Variants in BRD2 observed in about 807,000 individuals in gnomAD.
BRD2 encodes bromodomain containing 2.
A neutral mutation model predicts 79.1 loss-of-function variants in BRD2; 15 were observed. That is an observed-to-expected ratio of 0.19 (90% CI 0.13 to 0.29). The LOEUF (loss-of-function observed/expected upper bound fraction) is 0.29, where lower values mean the gene tolerates loss of function less well. Among genes scored for constraint, BRD2 ranks in the 10% least tolerant of loss-of-function variants. BRD2 has a pLI of 1.00. For synonymous variants in BRD2, 488 were observed against 358.6 expected (o/e 1.36, Z -4.08); for missense variants, 1,053 against 991.3 (o/e 1.06, Z -0.84).
chr6:32,977,489 T>G lies in BRD2; in HGVS notation c.1248T>G (p.Ala416=). ...RDYRDAQEFA[A]DVRLMFSNCY... ...ACCGGGATGCACAGGAGTTTGCTGC[T>G]GATGTACGGCTTATGTTCTCCAACT... Residue 416 remains alanine (A), a synonymous_variant, in exon 8 of 13, where the codon GCT becomes GCG. Transcript: ENST00000374825. 6.2e-7 allele frequency: 1 copy of G among 1,614,064 alleles called. No individual in the cohort carries two copies.
In BRD2 at chr6:32,976,618, G is replaced by A; in HGVS notation, c.882G>A (p.Leu294=). Residue 294 remains leucine (L), a synonymous_variant, in exon 7 of 13, where the codon TTG becomes TTA. Coordinates refer to ENST00000374825, the MANE Select transcript of BRD2 (RefSeq NM_005104.4). ...CCACCCCTACACCTACAGCCATCTT[G>A]GCTCCTGGTTCTCCAGCTAGCCCTC... is the stretch of plus-strand genomic sequence containing the variant. ...DTTTPTPTAI[L]APGSPASPPG... 6.2e-7 allele frequency: 1 copy of A among 1,611,032 alleles called. No individual in the cohort carries two copies. The highest frequency in any genetic ancestry group is 8.5e-7 in the Non-Finnish European group (1 of 1,179,626).
chr6:32,972,060 G>T lies in BRD2; in HGVS notation c.-839G>T, dbSNP rs1778057752. On this transcript the variant is annotated 5_prime_UTR_variant, in exon 2 of 13. Coordinates refer to ENST00000374825, the MANE Select transcript of BRD2 (RefSeq NM_005104.4). The stretch of plus-strand genomic sequence containing the variant: ...CGCGGAGAGGTGTTCCTTCCCCTTC[G>T]ACTCAGCTTCTTCACCCGCGTGAGC... 1.4e-6 allele frequency: 1 copy of T among 699,650 alleles called. No homozygotes were observed. Among genetic ancestry groups the T allele is most frequent in the Non-Finnish European group, 2.6e-6 (1 of 383,808 alleles). 43.3% of individuals were successfully genotyped at this position (699,650 alleles called of 1,614,324 possible).
chr6:32,976,661 A>G lies in BRD2; in HGVS notation c.925A>G (p.Lys309Glu). 6.2e-7 allele frequency: 1 copy of G among 1,612,938 alleles called. No individual in the cohort carries two copies. Among genetic ancestry groups the G allele is most frequent in the Non-Finnish European group, 8.5e-7 (1 of 1,180,022 alleles). Reference protein sequence around the residue: ...PASPPGSLEPKAARLPPMRRE... With the variant: ...PASPPGSLEPEAARLPPMRRE... ...TAGCCCTCCTGGGAGTCTTGAGCCTAAGGCAGCACGGCTTCCCCCTATGCG... is the reference window on the plus strand; with the variant it reads ...TAGCCCTCCTGGGAGTCTTGAGCCTGAGGCAGCACGGCTTCCCCCTATGCG... Residue 309 changes from lysine (K) to glutamate (E), a missense_variant, in exon 7 of 13, where the codon AAG (lysine) becomes GAG (glutamate). Physicochemically the swap from Lys to Glu is moderately conservative, Grantham distance 56. Transcript: ENST00000374825.
chr6:32,974,777 C>T lies in BRD2; in HGVS notation c.333+12C>T, dbSNP rs750558302. 3.7e-6 allele frequency: 6 copies of T among 1,610,250 alleles called. No individual in the cohort carries two copies. Among genetic ancestry groups the T allele is most frequent in the South Asian group, 2.2e-5 (2 of 90,890 alleles). On this transcript the variant is annotated intron_variant, in intron 3 of 12. Coordinates refer to ENST00000374825, the MANE Select transcript of BRD2 (RefSeq NM_005104.4). Reference sequence around the variant, plus strand: ...AACTGGGTCTACCGGTGAGTAGAGACATTGGAGCCGGGGAGGTGTGGGATG... The same window carrying T: ...AACTGGGTCTACCGGTGAGTAGAGATATTGGAGCCGGGGAGGTGTGGGATG...
rs1247466225 is a variant in BRD2 at position 32,972,052 on chromosome 6, T to G, written c.-847T>G. 1 of 700,550 alleles carries G rather than the reference T, an allele frequency of 1.4e-6. No homozygotes were observed. The highest frequency in any genetic ancestry group is 1.7e-5 in the African/African-American group (1 of 57,160). 43.4% of individuals were successfully genotyped at this position (700,550 alleles called of 1,614,324 possible). A position where few individuals can be genotyped will look rare whatever the true frequency, so the allele number is the denominator to read the frequency against. Reference sequence around the variant, plus strand: ...AAAGCTCCCGCGGAGAGGTGTTCCTTCCCCTTCGACTCAGCTTCTTCACCC... The same window carrying G: ...AAAGCTCCCGCGGAGAGGTGTTCCTGCCCCTTCGACTCAGCTTCTTCACCC... On this transcript the variant is annotated 5_prime_UTR_variant, in exon 2 of 13. Transcript: ENST00000374825.
intron 3 of BRD2, 106 bp from the exon 4 acceptor site, chr6:32,975,278 T>C (rs1778572820): frequency 1.9e-6 from 2 of 1,036,660 alleles, no homozygotes; most frequent in Non-Finnish European, 2.7e-6. Flanking sequence ...CTTTGATGCA[T>C]AGGGGGGGTG....
At position 32,972,051 on chromosome 6, in the gene BRD2, T is replaced by G; in HGVS notation, c.-848T>G. ...AAAAGCTCCCGCGGAGAGGTGTTCC[T>G]TCCCCTTCGACTCAGCTTCTTCACC... is the stretch of plus-strand genomic sequence containing the variant. On this transcript the variant is annotated 5_prime_UTR_variant, in exon 2 of 13. Transcript: ENST00000374825. The G allele has an allele frequency of 1.4e-6, 1 of 699,830 alleles. No individual in the cohort carries two copies. The highest frequency in any genetic ancestry group is 2.6e-6 in the Non-Finnish European group (1 of 383,722). 43.4% of individuals were successfully genotyped at this position (699,830 alleles called of 1,614,324 possible). A position where few individuals can be genotyped will look rare whatever the true frequency, so the allele number is the denominator to read the frequency against.
At chr6:32,978,051 C>T (rs1438329450) in intron 9 of BRD2, 46 bp downstream of exon 9, 1 of 1,590,336 alleles carries the variant, frequency 6.3e-7, no homozygotes, top group South Asian at 1.1e-5. Flanking sequence ...GAGGTTCATG[C>T]CCTTTGTCCT....
At chr6:32,977,243 ATGATTTCTTTTTC>A in intron 7 of BRD2, 186 bp from the exon 8 acceptor site, 1 of 1,536,662 alleles carries the variant, frequency 6.5e-7, no homozygotes, top group Non-Finnish European at 8.7e-7. Context: ...TCACTTAGAA[ATGATTTCTTTTTC>A]TAGACATAAA....
intron 3 of BRD2, 196 bp from the exon 4 acceptor site, chr6:32,975,188 G>A: frequency 7.6e-7 from 1 of 1,317,374 alleles, no homozygotes; most frequent in South Asian, 1.3e-5. Flanking sequence ...GGGCCTCCCT[G>A]TGGATGTCAA....
Position 32,972,464 on chromosome 6 carries a change from C to T in BRD2, c.-435C>T. 1 of 296,410 alleles carries T rather than the reference C, an allele frequency of 3.4e-6. No individual in the cohort carries two copies. The highest frequency in any genetic ancestry group is 6.5e-6 in the Non-Finnish European group (1 of 154,418). The allele number at this position is 296,410 out of a possible 1,614,324, so 18.4% of individuals were successfully genotyped here. On this transcript the variant is annotated 5_prime_UTR_variant, in exon 2 of 13. Transcript: ENST00000374825. ...CTCAAGAGGATTTCAAAGATGGAGGCGGCGGCTCCCTAAACCACTTTTCGT... is the reference window on the plus strand; with the variant it reads ...CTCAAGAGGATTTCAAAGATGGAGGTGGCGGCTCCCTAAACCACTTTTCGT...
chr6:32,972,397 C>T lies in BRD2; in HGVS notation c.-502C>T. The stretch of plus-strand genomic sequence containing the variant: ...CCCCTGGAGCTCCCCTTTTTCGGGC[C>T]CCGCCCAATCCTCGGAGTCTGTCCA... On this transcript the variant is annotated 5_prime_UTR_variant, in exon 2 of 13. Coordinates refer to ENST00000374825, the MANE Select transcript of BRD2 (RefSeq NM_005104.4). 1 of 292,966 alleles carries T rather than the reference C, an allele frequency of 3.4e-6. No individual in the cohort carries two copies. The highest frequency in any genetic ancestry group is 6.6e-6 in the Non-Finnish European group (1 of 151,916). The allele number at this position is 292,966 out of a possible 1,614,324, so 18.1% of individuals were successfully genotyped here.
rs1778186222 is a variant in BRD2 at position 32,972,753 on chromosome 6, G to A, written c.-146G>A. On this transcript the variant is annotated 5_prime_UTR_variant, in exon 2 of 13. Transcript: ENST00000374825. Reference sequence around the variant, plus strand: ...GCCCCAAAGAGACTGCTTTCGTGCCGGCCAGGCAGGGGGTTTGTCGCCTGG... The same window carrying A: ...GCCCCAAAGAGACTGCTTTCGTGCCAGCCAGGCAGGGGGTTTGTCGCCTGG... The A allele has an allele frequency of 3.2e-5, 40 of 1,252,778 alleles. 1 individual carries two copies. In the South Asian group the frequency reaches 4.8e-4, roughly 15 times the overall value. The allele number at this position is 1,252,778 out of a possible 1,614,324, so 77.6% of individuals were successfully genotyped here.
Position 32,977,946 on chromosome 6 carries a change from A to G in BRD2, c.1519A>G (p.Ser507Gly). Residue 507 changes from serine to glycine, a missense_variant, in exon 9 of 13, where the codon AGT becomes GGT. By Grantham distance (56) the Ser-to-Gly change is moderately conservative. This residue lies in a region of BRD2 where 454 missense variants were observed against 430.5 expected (regional missense o/e 1.05). Coordinates refer to ENST00000374825, the MANE Select transcript of BRD2 (RefSeq NM_005104.4). The part of the protein sequence containing the change: ...EDEEDEEEEE[S>G]ESSDSEEERA... ...TGAGGAGGACGAGGAGGAAGAAGAGAGTGAAAGCTCAGACTCAGAGGAAGA... is the reference window on the plus strand; with the variant it reads ...TGAGGAGGACGAGGAGGAAGAAGAGGGTGAAAGCTCAGACTCAGAGGAAGA... The G allele has an allele frequency of 6.2e-7, 1 of 1,612,672 alleles. No homozygotes were observed. The highest frequency in any genetic ancestry group is 8.5e-7 in the Non-Finnish European group (1 of 1,180,018).
At position 32,980,874 on chromosome 6, in the gene BRD2, A is replaced by C; in HGVS notation, c.*156A>C. The C allele has an allele frequency of 1.2e-6, 1 of 854,556 alleles. No homozygotes were observed. The highest frequency in any genetic ancestry group is 1.7e-5 in the South Asian group (1 of 58,746). 52.9% of individuals were successfully genotyped at this position (854,556 alleles called of 1,614,324 possible). ...TGGCTCTGCAGTGGGGGAGGGATGC[A>C]GGGACATTTACTGAAGGAGGGACAT... On this transcript the variant is annotated 3_prime_UTR_variant, in exon 13 of 13. Coordinates refer to ENST00000374825, the MANE Select transcript of BRD2 (RefSeq NM_005104.4).
At chr6:32,973,264 C>A in intron 2 of BRD2, 1 of 1,061,022 alleles carries the variant, frequency 9.4e-7, no homozygotes, top group Non-Finnish European at 1.3e-6. Flanking sequence ...TAGCGGCGGT[C>A]TGTTAGCCTT....
rs1056574972 is a variant in BRD2 at position 32,972,309 on chromosome 6, T to C, written c.-590T>C. ...GCCATTACAATCCACCTCCATCCGC[T>C]TGGAAATGGCCTTCGTCCCGGCCTA... On this transcript the variant is annotated 5_prime_UTR_variant, in exon 2 of 13. Transcript: ENST00000374825. The C allele has an allele frequency of 2.6e-5, 10 of 391,516 alleles. No homozygotes were observed. The Admixed American group carries it at 2.6e-4, about 10-fold the overall frequency. 24.3% of individuals were successfully genotyped at this position (391,516 alleles called of 1,614,324 possible).
intron 1 of BRD2, chr6:32,970,854 G>C (rs935565857): frequency 6.6e-6 from 1 of 152,222 alleles, no homozygotes; most frequent in African/African-American, 2.4e-5. Context: ...GCCCCTCCTC[G>C]GAGGCGGACG....
rs780118834 is a variant in BRD2 at position 32,972,104 on chromosome 6, G to T, written c.-795G>T. On this transcript the variant is annotated 5_prime_UTR_variant, in exon 2 of 13. Transcript: ENST00000374825. Reference sequence around the variant, plus strand: ...CGTGAGCGAGCGCGCGCGCGCGGAGGGGGTGGGGAAAAGCTCAAGCAGGGT... The same window carrying T: ...CGTGAGCGAGCGCGCGCGCGCGGAGTGGGTGGGGAAAAGCTCAAGCAGGGT... 78 of 693,456 alleles carry T rather than the reference G, an allele frequency of 1.1e-4. No homozygotes were observed. The highest frequency in any genetic ancestry group is 5.7e-4 in the South Asian group (38 of 66,298). 43.0% of individuals were successfully genotyped at this position (693,456 alleles called of 1,614,324 possible).
Sources: allele counts gnomAD v4.1 joint callset, GRCh38; gene constraint gnomAD v4.1.1; regional missense constraint gnomAD v4.1.1; transcripts MANE v1.5; gene names NCBI Gene and HGNC (gene_info 2026-07-23, HGNC 2026-07-21).